The following C2orf76 variants were observed in gnomAD, a reference collection of about 807,000 sequenced individuals.
The protein encoded by C2orf76 is UPF0538 protein C2orf76.
In C2orf76, 23 loss-of-function variants were observed where a neutral mutation model predicts 16.9. The observed-to-expected ratio is 1.36, with a 90% CI of 0.98 to 1.93. C2orf76 has a LOEUF of 1.93. Among genes scored for constraint, C2orf76 ranks in the 30% most tolerant of loss-of-function variants. The pLI is 0.00. For synonymous variants in C2orf76, 48 were observed against 52.3 expected, an observed-to-expected ratio of 0.92 and a Z score of 0.35; for missense variants, 152 against 152.6, an observed-to-expected ratio of 1.00 and a Z score of 0.02.
intron 2 of C2orf76, among the ~76,000 whole-genome samples, chr2:119,336,458 T>TTA (rs1679849839): frequency 6.6e-6 from 1 of 151,420 alleles, no homozygotes; most frequent in Admixed American, 6.6e-5. Flanking sequence ...ATATATACAT[T>TTA]TATATTTATT....
At chr2:119,338,056 G>A (rs532851472) in intron 2 of C2orf76, among the ~76,000 whole-genome samples, 4 of 152,276 alleles carry the variant, frequency 2.6e-5, no homozygotes, top group South Asian at 4.1e-4. Context: ...AAAAAAGTAC[G>A]GATTTGTTTC....
chr2:119,300,249 G>A (rs891271665), downstream of C2orf76, among the ~76,000 whole-genome samples: 6 of 152,068 alleles, frequency 3.9e-5, no homozygotes, highest in Non-Finnish European at 7.4e-5. Flanking sequence ...GCCACGGAAC[G>A]CACGATCACA....
intron 5 of C2orf76, chr2:119,311,240 C>T (rs1239975043): frequency 1.0e-6 from 1 of 985,380 alleles, no homozygotes. Flanking sequence ...CATGTGATAC[C>T]AACAATGCGT....
intron 1 of C2orf76, among the ~76,000 whole-genome samples, chr2:119,362,601 A>G (rs1218361580): frequency 2.6e-5 from 4 of 152,336 alleles, no homozygotes; most frequent in African/African-American, 9.6e-5. Flanking sequence ...ACTGAACTCA[A>G]GATATTTTCA....
Position 119,311,643 on chromosome 2 carries a change from T to C in C2orf76, c.283A>G (p.Thr95Ala). 1 of 1,612,694 alleles carries C rather than the reference T, an allele frequency of 6.2e-7. No individual in the cohort carries two copies. Among genetic ancestry groups the C allele is most frequent in the Non-Finnish European group, 8.5e-7 (1 of 1,179,720 alleles). Residue 95 changes from threonine to alanine, a missense_variant, in exon 5 of 6, where the codon ACT becomes GCT. Transcript: ENST00000334816. ...TCACCGATTCCAGCTGCTTTCAGAG[T>C]GCTGTCTTCTTTCAGCAGGAGTCTT... The part of the protein sequence containing the change: ...DERLLLKEDS[T>A]LKAAGIASET...
At chr2:119,313,924 G>C (rs1416856529) in intron 4 of C2orf76, among the ~76,000 whole-genome samples, 2 of 150,498 alleles carry the variant, frequency 1.3e-5, no homozygotes, top group African/African-American at 2.4e-5. Context: ...GTAGAGTCTA[G>C]AGCATCTTCA....
the C2orf76 span, among the ~76,000 whole-genome samples, chr2:119,293,495 T>A: frequency 6.6e-6 from 1 of 152,234 alleles, no homozygotes; most frequent in Admixed American, 6.5e-5. Context: ...AACTGAGGCA[T>A]GACAGGATCT....
At chr2:119,294,539 G>A in the C2orf76 span, among the ~76,000 whole-genome samples, 69 of 152,258 alleles carry the variant, frequency 4.5e-4, no homozygotes, top group Non-Finnish European at 6.0e-4. Flanking sequence ...GCCCAGGCAC[G>A]AGGGAGGACA....
At chr2:119,317,353 G>A in intron 4 of C2orf76, 113 bp downstream of exon 4, 1 of 695,138 alleles carries the variant, frequency 1.4e-6, no homozygotes, top group Non-Finnish European at 2.2e-6. Flanking sequence ...AAAATAAAAA[G>A]CGCTATTATA....
chr2:119,346,148 A>C (rs2104618375), intron 1 of C2orf76, among the ~76,000 whole-genome samples: 1 of 152,234 alleles, frequency 6.6e-6, no homozygotes, highest in African/African-American at 2.4e-5. Context: ...ATAGCCCCAA[A>C]TGTTGGTGAG....
intron 4 of C2orf76, among the ~76,000 whole-genome samples, chr2:119,314,037 T>TA (rs1355684852): frequency 6.7e-6 from 1 of 148,448 alleles, no homozygotes; most frequent in Admixed American, 6.7e-5. Flanking sequence ...TTTTTTTTTT[T>TA]ACATAGAAGG....
downstream of C2orf76, among the ~76,000 whole-genome samples, chr2:119,300,503 C>T (rs777441511): frequency 1.3e-4 from 20 of 152,192 alleles, no homozygotes; most frequent in Non-Finnish European, 8.8e-5. Flanking sequence ...CCTACCTCAA[C>T]CTACCTTTCT....
In C2orf76 at chr2:119,339,977, G is replaced by C; in HGVS notation, c.-12-6C>G. On this transcript the variant is annotated splice_region_variant and splice_polypyrimidine_tract_variant and intron_variant, in intron 1 of 5. Coordinates refer to ENST00000334816, the MANE Select transcript of C2orf76 (RefSeq NM_001322331.2). The stretch of plus-strand genomic sequence containing the variant: ...GGAGCCATGTGAAGAAATTCCTGTG[G>C]CAAGAGACATGAGAACCATCTAAAT... The C allele has an allele frequency of 4.4e-6, 7 of 1,605,094 alleles. No homozygotes were observed. Among genetic ancestry groups the C allele is most frequent in the Non-Finnish European group, 6.0e-6 (7 of 1,172,596 alleles).
At position 119,315,051 on chromosome 2, in the gene C2orf76, C is replaced by T. The variant is rs1174755005; in HGVS notation, c.222+2415G>A. 1.8e-4 allele frequency among the ~76,000 whole-genome samples: 28 copies of T among 152,100 alleles called. 1 individual carries two copies. On this transcript the variant is annotated intron_variant, in intron 4 of 5. Coordinates refer to ENST00000334816, the MANE Select transcript of C2orf76 (RefSeq NM_001322331.2). ...CATTTTAAGTTTTCTTTTTAAAGAC[C>T]TTGCACATTTCTTATAAAGTTTGTT...
chr2:119,290,762 G>A, the C2orf76 span, among the ~76,000 whole-genome samples: 18 of 152,166 alleles, frequency 1.2e-4, 1 homozygote, highest in South Asian at 2.3e-3. Context: ...CCTGGGAGGC[G>A]GAGGTTGCGG....
At chr2:119,336,151 T>C (rs1292722387) in intron 2 of C2orf76, among the ~76,000 whole-genome samples, 1 of 152,122 alleles carries the variant, frequency 6.6e-6, no homozygotes, top group East Asian at 1.9e-4. Context: ...TCCCAGCACT[T>C]TGGGAGGCTG....
At chr2:119,287,904 A>G in the C2orf76 span, among the ~76,000 whole-genome samples, 1 of 152,108 alleles carries the variant, frequency 6.6e-6, no homozygotes, top group African/African-American at 2.4e-5. Context: ...CATATACATT[A>G]CCCTCAAATA....
At chr2:119,337,297 C>T (rs1236218830) in intron 2 of C2orf76, among the ~76,000 whole-genome samples, 1 of 119,976 alleles carries the variant, frequency 8.3e-6, no homozygotes, top group Non-Finnish European at 1.8e-5. Context: ...TCTCAAGCTC[C>T]TGGGCTCAAG....
chr2:119,338,190 G>T (rs1325540250), intron 2 of C2orf76, among the ~76,000 whole-genome samples: 2 of 152,010 alleles, frequency 1.3e-5, no homozygotes, highest in African/African-American at 2.4e-5. Context: ...GATTTTTTTT[G>T]AGCTAAAGGC....
Sources: gnomAD v4.1 joint callset for allele counts (sites outside exome capture counted in the v4.1 genomes callset) on GRCh38, gnomAD v4.1.1 for gene constraint, MANE v1.5 for transcripts, NCBI Gene and HGNC (gene_info 2026-07-23, HGNC 2026-07-21) for gene names.